Variants in EDARADD observed in about 807,000 individuals in gnomAD.
The protein encoded by EDARADD is ectodysplasin-A receptor-associated adapter protein.
Under a neutral mutation model 25.6 loss-of-function variants are expected in EDARADD, and 20 were observed. The observed-to-expected ratio is 0.78, with a 90% CI of 0.55 to 1.14. The LOEUF (loss-of-function observed/expected upper bound fraction) is 1.14. EDARADD is among the 50% of genes most tolerant of loss of function. The pLI is 0.00. For missense variants in EDARADD, 225 were observed against 270.1 expected (o/e 0.83, Z 1.17); for synonymous variants, 86 against 94.4 (o/e 0.91, Z 0.52).
At chr1:236,441,902 T>G (rs529848534) in intron 4 of EDARADD, among the ~76,000 whole-genome samples, 1 of 152,246 alleles carries the variant, frequency 6.6e-6, no homozygotes, top group South Asian at 2.1e-4. Flanking sequence ...GAAGCTAGCA[T>G]AGGTTGGTTC....
chr1:236,466,188 T>C (rs1659180845), intron 4 of EDARADD, among the ~76,000 whole-genome samples: 1 of 152,160 alleles, frequency 6.6e-6, no homozygotes, highest in Non-Finnish European at 1.5e-5. Context: ...GGTGACTGTG[T>C]TGGTAAAAGA....
At chr1:236,468,346 A>G (rs1659273094) in intron 5 of EDARADD, 70 bp downstream of exon 5, 5 of 1,531,554 alleles carry the variant, frequency 3.3e-6, no homozygotes, top group South Asian at 2.2e-5. Flanking sequence ...ATTTGAGGCC[A>G]GGGTCGGTGA....
chr1:236,474,565 A>G (rs916834338), intron 5 of EDARADD, among the ~76,000 whole-genome samples: 6 of 152,208 alleles, frequency 3.9e-5, no homozygotes, highest in African/African-American at 1.4e-4. Context: ...CCAATAATTA[A>G]TCCATCTTTT....
At chr1:236,415,461 T>C (rs979237944) in intron 3 of EDARADD, among the ~76,000 whole-genome samples, 10 of 152,212 alleles carry the variant, frequency 6.6e-5, no homozygotes, top group African/African-American at 2.4e-4. Flanking sequence ...TTATTATTTT[T>C]TGAGACAGAG....
At chr1:236,388,860 G>A (rs1431103123) in intron 3 of EDARADD, among the ~76,000 whole-genome samples, 1 of 152,168 alleles carries the variant, frequency 6.6e-6, no homozygotes, top group Non-Finnish European at 1.5e-5. Flanking sequence ...TGATCATTTT[G>A]TAGATTCCTG....
chr1:236,449,255 C>T (rs1399086659), intron 4 of EDARADD, among the ~76,000 whole-genome samples: 1 of 152,162 alleles, frequency 6.6e-6, no homozygotes, highest in Non-Finnish European at 1.5e-5. Context: ...ACTTGCTTAC[C>T]TCTGTAGAGA....
At chr1:236,410,726 G>A (rs58535653) in intron 2 of EDARADD, among the ~76,000 whole-genome samples, 7,868 of 152,236 alleles carry the variant, frequency 0.052, 546 homozygotes, top group African/African-American at 0.16. Context: ...TTGGTTAACT[G>A]ATTTAGTTAC....
rs1407140313 is a variant in EDARADD, at chr1:236,440,386, G to A, written c.219+12936G>A. Among the ~76,000 whole-genome samples the A allele has an allele frequency of 2.6e-5, 4 of 152,116 alleles. No individual in the cohort carries two copies. In the East Asian group the frequency reaches 7.7e-4, roughly 29 times the overall value. On this transcript the variant is annotated intron_variant, in intron 4 of 5. Coordinates refer to ENST00000334232, the MANE Select transcript of EDARADD (RefSeq NM_145861.4). ...TCCCTCCATGTAAATTTTAGAATCA[G>A]TTTGTTGACATTCACAAAATAACTT...
intron 4 of EDARADD, among the ~76,000 whole-genome samples, chr1:236,453,402 A>G (rs767003271): frequency 3.4e-5 from 5 of 148,912 alleles, no homozygotes; most frequent in Non-Finnish European, 7.4e-5. Context: ...TCAGCCTCCC[A>G]AGTAGCTGGG....
chr1:236,360,596 A>G (rs1433323617), intron 3 of EDARADD, among the ~76,000 whole-genome samples: 2 of 131,212 alleles, frequency 1.5e-5, no homozygotes, highest in African/African-American at 6.1e-5. Flanking sequence ...CCCAGGCTGG[A>G]GTGCAGTGGT....
intron 4 of EDARADD, among the ~76,000 whole-genome samples, chr1:236,461,169 C>A (rs1287482773): frequency 3.3e-5 from 5 of 152,114 alleles, no homozygotes; most frequent in African/African-American, 1.2e-4. Context: ...AATCCTATTA[C>A]CATCACACAC....
intron 5 of EDARADD, among the ~76,000 whole-genome samples, chr1:236,472,230 C>T (rs1332754528): frequency 1.3e-5 from 2 of 152,146 alleles, no homozygotes; most frequent in Non-Finnish European, 2.9e-5. Flanking sequence ...GACATGGTAT[C>T]TCTCAAAGAG....
intron 4 of EDARADD, among the ~76,000 whole-genome samples, chr1:236,456,024 T>G (rs199862998): frequency 2.0e-5 from 3 of 152,232 alleles, no homozygotes; most frequent in Middle Eastern, 3.4e-3. Context: ...CTGCTGACCT[T>G]GTAATCCGCC....
At position 236,398,831 on chromosome 1, in the gene EDARADD, T is replaced by C. The variant is rs937302778; in HGVS notation, c.61+4326T>C. On this transcript the variant is annotated intron_variant, in intron 1 of 5. Transcript: ENST00000334232. The surrounding 1 kb of genome is among the most constrained non-coding windows in gnomAD (Gnocchi z 4.1). Reference sequence around the variant, plus strand: ...TGGCACCTGTCACAATTTCTAGCTGTGATTATTTGGCCACCGTGGCTATTT... The same window carrying C: ...TGGCACCTGTCACAATTTCTAGCTGCGATTATTTGGCCACCGTGGCTATTT... 1.3e-5 allele frequency among the ~76,000 whole-genome samples: 2 copies of C among 152,194 alleles called. No individual in the cohort carries two copies. Among genetic ancestry groups the C allele is most frequent in the African/African-American group, 4.8e-5 (2 of 41,436 alleles).
chr1:236,457,968 A>G (rs939091496), intron 4 of EDARADD, among the ~76,000 whole-genome samples: 1 of 152,196 alleles, frequency 6.6e-6, no homozygotes, highest in Admixed American at 6.5e-5. Flanking sequence ...TGTTTGACTC[A>G]ATGGCTTCTC....
At chr1:236,423,303 T>C (rs1319894054) in intron 3 of EDARADD, among the ~76,000 whole-genome samples, 1 of 152,162 alleles carries the variant, frequency 6.6e-6, no homozygotes, top group Non-Finnish European at 1.5e-5. Flanking sequence ...AGAGGGTCAA[T>C]AGCTATTTAT....
At chr1:236,369,854 G>T (rs934213766) in intron 3 of EDARADD, among the ~76,000 whole-genome samples, 2 of 133,172 alleles carry the variant, frequency 1.5e-5, no homozygotes, top group African/African-American at 6.1e-5. Flanking sequence ...AACCAAAAAA[G>T]CAAAAAAAAA....
At chr1:236,409,022 G>T (rs1667787718) in intron 1 of EDARADD, among the ~76,000 whole-genome samples, 194 bp from the exon 2 acceptor site, 1 of 149,668 alleles carries the variant, frequency 6.7e-6, no homozygotes, top group South Asian at 2.1e-4. Flanking sequence ...CTTCCAAAGT[G>T]CTGGGATTAC....
At chr1:236,368,775 G>A (rs1485624671) in intron 3 of EDARADD, among the ~76,000 whole-genome samples, 1 of 152,028 alleles carries the variant, frequency 6.6e-6, no homozygotes, top group Non-Finnish European at 1.5e-5. Context: ...TTTACCTCTT[G>A]TTAGTCTTGT....
Sources: allele counts gnomAD v4.1 joint callset (sites outside exome capture counted in the v4.1 genomes callset), GRCh38; gene constraint gnomAD v4.1.1; non-coding constraint Gnocchi (gnomAD v3.1); transcripts MANE v1.5; gene names NCBI Gene and HGNC (gene_info 2026-07-23, HGNC 2026-07-21).